The following FRY variants were observed in gnomAD, a reference collection of about 807,000 sequenced individuals.
FRY encodes the protein FRY microtubule binding protein.
In FRY, 128 loss-of-function variants were observed where a neutral mutation model predicts 348.4. That is an observed-to-expected ratio of 0.37 (90% confidence interval 0.32 to 0.43). The LOEUF is 0.43. Ranked by LOEUF, FRY falls within the 20% of genes least tolerant of loss-of-function variation. The pLI is 1.00. For missense variants in FRY, 2,736 were observed against 3,695.2 expected, an observed-to-expected ratio of 0.74 and a Z score of 6.73; for synonymous variants, 1,370 against 1,374.7, an observed-to-expected ratio of 1.00 and a Z score of 0.08.
chr13:32,280,908 T>G (rs1888778539), intron 58 of FRY, among the ~76,000 whole-genome samples: 1 of 152,240 alleles, frequency 6.6e-6, no homozygotes, highest in Non-Finnish European at 1.5e-5. Context: ...TGTGGTTTAT[T>G]TCTATTAAGT....
chr13:32,247,159 T>C (rs1886852443), intron 47 of FRY, among the ~76,000 whole-genome samples, 164 bp from the exon 48 acceptor site: 3 of 152,196 alleles, frequency 2.0e-5, no homozygotes, highest in Admixed American at 1.3e-4. Context: ...TATATATACA[T>C]TGTCTTTTTA....
At chr13:32,216,334 A>T (rs1884985065) in intron 35 of FRY, among the ~76,000 whole-genome samples, 1 of 152,174 alleles carries the variant, frequency 6.6e-6, no homozygotes, top group Non-Finnish European at 1.5e-5. Flanking sequence ...CCAGACATAC[A>T]CTTTGCTACA....
rs1453889790 is a variant in FRY, at chr13:32,265,332, G to A, written c.7780-118G>A. On this transcript the variant is annotated intron_variant, in intron 53 of 60. Transcript: ENST00000542859. ...ACTATACTGTAGCTAGAAAACAAAT[G>A]TCCCCATTTCTATCACCATCAGCAT... The A allele has an allele frequency of 2.3e-5, 22 of 954,078 alleles. No individual in the cohort carries two copies. In the Admixed American group the frequency reaches 4.1e-4, roughly 18 times the overall value. 59.1% of individuals were successfully genotyped at this position (954,078 alleles called of 1,614,324 possible).
rs554472061 is a variant in FRY at position 32,189,707 on chromosome 13, A to G, written c.3591+2051A>G. On this transcript the variant is annotated intron_variant, in intron 28 of 60. Coordinates refer to ENST00000542859, the MANE Select transcript of FRY (RefSeq NM_023037.3). ...TGGCTTTGCTGATGAATTCCACTGA[A>G]CATTTAAAGAAAAAATTGCATGGAT... is the stretch of plus-strand genomic sequence containing the variant. Among the ~76,000 whole-genome samples the G allele has an allele frequency of 1.1e-4, 16 of 152,170 alleles. No individual in the cohort carries two copies. The South Asian group carries it at 3.3e-3, about 31-fold the overall frequency.
chr13:32,230,698 G>C (rs1452959065), intron 40 of FRY, among the ~76,000 whole-genome samples: 1 of 152,148 alleles, frequency 6.6e-6, no homozygotes, highest in Non-Finnish European at 1.5e-5. Context: ...TGGGTCGAAT[G>C]GTATTTCTGT....
At chr13:32,126,793 T>C (rs1226174080) in intron 7 of FRY, among the ~76,000 whole-genome samples, 1 of 152,240 alleles carries the variant, frequency 6.6e-6, no homozygotes, top group African/African-American at 2.4e-5. Flanking sequence ...AAGTACTGTT[T>C]CCTTCATTCC....
chr13:32,237,898 C>T lies in FRY; in HGVS notation c.6330C>T (p.Ser2110=). Residue 2110 remains serine, a synonymous_variant, in exon 44 of 61, where the codon TCC becomes TCT. Transcript: ENST00000542859. The surrounding 1 kb of genome is among the most constrained non-coding windows in gnomAD (Gnocchi z 6.3). ...LQQLLLKGFT[S]LTTTDLTLQL... ...AGCTGCTGCTGAAAGGATTCACATC[C>T]CTCACCACCACAGACCTGACCCTGC... The T allele has an allele frequency of 6.2e-7, 1 of 1,614,144 alleles. No individual in the cohort carries two copies. Among genetic ancestry groups the T allele is most frequent in the South Asian group, 1.1e-5 (1 of 91,076 alleles).
intron 17 of FRY, among the ~76,000 whole-genome samples, chr13:32,169,702 A>T (rs1476941129): frequency 6.6e-6 from 1 of 152,164 alleles, no homozygotes; most frequent in Admixed American, 6.5e-5. Context: ...CCCAATAGAC[A>T]CAGCCACACC....
rs995691870 is a variant in FRY, at chr13:32,209,838, G to T, written c.4422+107G>T. 4.4e-6 allele frequency: 5 copies of T among 1,134,126 alleles called. No homozygotes were observed. In the South Asian group the frequency reaches 6.4e-5, roughly 14 times the overall value. 70.3% of individuals were successfully genotyped at this position (1,134,126 alleles called of 1,614,324 possible). A position where few individuals can be genotyped will look rare whatever the true frequency, so the allele number is the denominator to read the frequency against. ...GCTCCAGCTAAAATAGAAATGTCCA[G>T]TTAGTCACATGAATCTCCTGTGAGC... On this transcript the variant is annotated intron_variant, in intron 33 of 60. Transcript: ENST00000542859.
chr13:32,230,459 G>A (rs766289042), intron 40 of FRY, among the ~76,000 whole-genome samples: 3 of 152,246 alleles, frequency 2.0e-5, no homozygotes, highest in East Asian at 1.9e-4. Context: ...TAAGGTGATA[G>A]CCTCTAGCTC....
intron 26 of FRY, 62 bp from the exon 27 acceptor site, chr13:32,186,198 T>C: frequency 5.0e-6 from 6 of 1,190,374 alleles, no homozygotes; most frequent in Non-Finnish European, 7.5e-6. Flanking sequence ...GTAAGAAATA[T>C]ATATAATAGC....
chr13:32,171,694 T>G (rs2138213534), intron 18 of FRY, among the ~76,000 whole-genome samples: 1 of 152,316 alleles, frequency 6.6e-6, no homozygotes, highest in East Asian at 1.9e-4. Flanking sequence ...ACCTAAGAAC[T>G]TCCTCCCTGG....
Position 32,031,775 on chromosome 13 carries a change from G to T in FRY, c.-21G>T. The T allele has an allele frequency of 6.4e-7, 1 of 1,558,604 alleles. No individual in the cohort carries two copies. Among genetic ancestry groups the T allele is most frequent in the Non-Finnish European group, 8.8e-7 (1 of 1,131,266 alleles). ...CTCCCGGCCGCTGCCCGTCCTCCCAGCCTCTTTGTATGCCGCAGACATGGC... is the reference window on the plus strand; with the variant it reads ...CTCCCGGCCGCTGCCCGTCCTCCCATCCTCTTTGTATGCCGCAGACATGGC... On this transcript the variant is annotated 5_prime_UTR_variant, in exon 1 of 61. Coordinates refer to ENST00000542859, the MANE Select transcript of FRY (RefSeq NM_023037.3).
At chr13:32,231,031 C>T in intron 40 of FRY, 148 bp from the exon 41 acceptor site, 1 of 638,360 alleles carries the variant, frequency 1.6e-6, no homozygotes, top group Non-Finnish European at 2.6e-6. Context: ...GTTTAAGTTC[C>T]TTATAGATGC....
At chr13:32,107,927 A>G (rs1877677236) in intron 3 of FRY, among the ~76,000 whole-genome samples, 1 of 152,232 alleles carries the variant, frequency 6.6e-6, no homozygotes, top group African/African-American at 2.4e-5. Flanking sequence ...ATCACTATTT[A>G]TTTTAAATTA....
chr13:32,152,187 T>A (rs1173798226), intron 14 of FRY, among the ~76,000 whole-genome samples: 2 of 152,222 alleles, frequency 1.3e-5, no homozygotes, highest in Non-Finnish European at 2.9e-5. Flanking sequence ...CCCAAATTGA[T>A]CTATGTAGAT....
intron 3 of FRY, among the ~76,000 whole-genome samples, chr13:32,116,980 A>G (rs1049255305): frequency 6.6e-6 from 1 of 152,200 alleles, no homozygotes; most frequent in Admixed American, 6.5e-5. Flanking sequence ...TTATACAACA[A>G]ACATTTTTAG....
At chr13:32,083,420 C>T (rs1875628356) in intron 2 of FRY, among the ~76,000 whole-genome samples, 3 of 152,122 alleles carry the variant, frequency 2.0e-5, no homozygotes. Flanking sequence ...CTTCTTGTGT[C>T]TGCTAACTCT....
intron 58 of FRY, chr13:32,287,914 C>G: frequency 7.9e-7 from 1 of 1,266,388 alleles, no homozygotes; most frequent in South Asian, 1.2e-5. Context: ...TACTCTTTGT[C>G]CATTTAGGCA....
Sources: allele counts gnomAD v4.1 joint callset (sites outside exome capture counted in the v4.1 genomes callset), GRCh38; gene constraint gnomAD v4.1.1; non-coding constraint Gnocchi (gnomAD v3.1); transcripts MANE v1.5; gene names NCBI Gene and HGNC (gene_info 2026-07-23, HGNC 2026-07-21).